Variants in GSR observed in about 807,000 individuals in gnomAD.
GSR encodes the protein glutathione reductase, mitochondrial.
GSR carries 48 observed loss-of-function variants against 56.5 expected under a neutral mutation model. That is an observed-to-expected ratio of 0.85 (90% confidence interval 0.67 to 1.08). GSR has a LOEUF of 1.08. Ranked by LOEUF, GSR falls within the 50% of genes least tolerant of loss-of-function variation. The pLI is 0.00. For synonymous variants in GSR, 264 were observed against 270.8 expected, an observed-to-expected ratio of 0.97 and a Z score of 0.25; for missense variants, 694 against 703.3, an observed-to-expected ratio of 0.99 and a Z score of 0.15.
intron 6 of GSR, among the ~76,000 whole-genome samples, chr8:30,697,971 C>G (rs901234411): frequency 2.0e-5 from 3 of 152,162 alleles, no homozygotes; most frequent in Non-Finnish European, 4.4e-5. Context: ...AGATTACAGG[C>G]ATAAGCCACT....
At chr8:30,707,702 C>T (rs547935275) in intron 4 of GSR, among the ~76,000 whole-genome samples, 1 of 151,930 alleles carries the variant, frequency 6.6e-6, no homozygotes, top group Admixed American at 6.6e-5. Context: ...TGCCTGTAAT[C>T]TCAGCACTTT....
chr8:30,724,336 C>A, intron 1 of GSR, among the ~76,000 whole-genome samples: 1 of 152,148 alleles, frequency 6.6e-6, no homozygotes, highest in East Asian at 1.9e-4. Context: ...TTGCTCAAAC[C>A]CACCCCTGCC....
At chr8:30,699,267 G>T (rs746640379) in intron 6 of GSR, among the ~76,000 whole-genome samples, 3 of 151,848 alleles carry the variant, frequency 2.0e-5, no homozygotes, top group Non-Finnish European at 4.4e-5. Context: ...CTCCTGCCTG[G>T]GCGATGGAAG....
At chr8:30,710,027 C>G (rs1338019407) in intron 2 of GSR, 125 bp from the exon 3 acceptor site, 6 of 679,682 alleles carry the variant, frequency 8.8e-6, no homozygotes, top group African/African-American at 1.8e-5. Context: ...AAATTAAAAA[C>G]AAACCTAGCT....
chr8:30,719,949 C>T (rs181685440), intron 1 of GSR, among the ~76,000 whole-genome samples: 34 of 152,288 alleles, frequency 2.2e-4, no homozygotes, highest in African/African-American at 7.7e-4. Flanking sequence ...TGGTGGCTCA[C>T]GCTGTAATCC....
intron 1 of GSR, among the ~76,000 whole-genome samples, chr8:30,725,504 G>A (rs1037373325): frequency 1.3e-5 from 2 of 151,880 alleles, no homozygotes; most frequent in South Asian, 2.1e-4. Flanking sequence ...AGGTTGCAGT[G>A]AGCCGAGATT....
chr8:30,702,012 G>T (rs1803758718), intron 5 of GSR, among the ~76,000 whole-genome samples: 1 of 151,912 alleles, frequency 6.6e-6, no homozygotes, highest in South Asian at 2.1e-4. Flanking sequence ...CTCCAGCCTG[G>T]ACAACAGAGC....
intron 11 of GSR, among the ~76,000 whole-genome samples, chr8:30,681,248 G>C (rs1332076753): frequency 6.6e-6 from 1 of 152,142 alleles, no homozygotes; most frequent in Non-Finnish European, 1.5e-5. Context: ...TGAAAAGAAA[G>C]GCCAGGCACA....
intron 4 of GSR, among the ~76,000 whole-genome samples, chr8:30,704,073 C>A (rs2128744598): frequency 6.6e-6 from 1 of 151,954 alleles, no homozygotes; most frequent in East Asian, 1.9e-4. Flanking sequence ...ATCTGTAATT[C>A]CAGCACTTTG....
At chr8:30,703,955 C>T (rs565865416) in intron 4 of GSR, among the ~76,000 whole-genome samples, 5 of 152,176 alleles carry the variant, frequency 3.3e-5, no homozygotes, top group South Asian at 2.1e-4. Flanking sequence ...AAGGCACCCC[C>T]GTAAGAAAGA....
chr8:30,727,554 C>G lies in GSR; in HGVS notation c.282G>C (p.Glu94Asp), dbSNP rs1470346529. Residue 94 changes from glutamate to aspartate, a missense_variant, in exon 1 of 13, where the codon GAG becomes GAC. Transcript: ENST00000221130. The stretch of plus-strand genomic sequence containing the variant: ...CGCAAGTGCCACCCAGCTTGTGGCT[C>G]TCCACCACGGCGGCCCTGGCACCCA... ...AELGARAAVV[E>D]SHKLGGTCVN... 6.5e-7 allele frequency: 1 copy of G among 1,536,810 alleles called. No individual in the cohort carries two copies. The highest frequency in any genetic ancestry group is 1.4e-5 in the African/African-American group (1 of 72,416).
chr8:30,701,571 A>C (rs539608203), intron 5 of GSR, among the ~76,000 whole-genome samples: 1 of 151,440 alleles, frequency 6.6e-6, no homozygotes, highest in Non-Finnish European at 1.5e-5. Context: ...GGGCAGATCA[A>C]CTGAGGTCAG....
chr8:30,713,704 A>C (rs1298416552), intron 1 of GSR, among the ~76,000 whole-genome samples: 1 of 152,212 alleles, frequency 6.6e-6, no homozygotes, highest in African/African-American at 2.4e-5. Context: ...AATTTAAATA[A>C]TGAAATATTT....
intron 1 of GSR, among the ~76,000 whole-genome samples, chr8:30,720,974 T>C (rs1232209108): frequency 1.3e-5 from 2 of 152,080 alleles, no homozygotes; most frequent in Non-Finnish European, 2.9e-5. Flanking sequence ...TAACAGCCTG[T>C]AGTCTCAGCC....
In GSR at chr8:30,727,735, G is replaced by A; in HGVS notation, c.101C>T (p.Ala34Val). The A allele has an allele frequency of 1.4e-6, 2 of 1,399,912 alleles. No homozygotes were observed. Among genetic ancestry groups the A allele is most frequent in the Non-Finnish European group, 1.9e-6 (2 of 1,080,148 alleles). 86.7% of individuals were successfully genotyped at this position (1,399,912 alleles called of 1,614,324 possible). ...RGFLLLLPEP[A>V]ALTRALSRAM... ...ACGGGAGAGGGCGCGCGTGAGGGCCGCGGGCTCGGGCAGAAGCAGCAGGAA... is the reference window on the plus strand; with the variant it reads ...ACGGGAGAGGGCGCGCGTGAGGGCCACGGGCTCGGGCAGAAGCAGCAGGAA... The change falls in exon 1 of 13, where the codon GCG (alanine) becomes GTG (valine). Residue 34 changes from alanine (A) to valine (V), a missense_variant. Transcript: ENST00000221130.
intron 1 of GSR, among the ~76,000 whole-genome samples, chr8:30,727,209 G>C (rs560243267): frequency 6.6e-6 from 1 of 152,348 alleles, no homozygotes; most frequent in Admixed American, 6.5e-5. Flanking sequence ...GTTTCACGCG[G>C]TCAAGAACAG....
At position 30,679,508 on chromosome 8, in the gene GSR, G is replaced by A; in HGVS notation, c.*12C>T. ...ATGGGTCCCACTGCCCGCCACACGT[G>A]TCTCCTGGTTCTCAACGAAGTGTGA... On this transcript the variant is annotated 3_prime_UTR_variant, in exon 13 of 13. Coordinates refer to ENST00000221130, the MANE Select transcript of GSR (RefSeq NM_000637.5). 2 of 1,613,230 alleles carry A rather than the reference G, an allele frequency of 1.2e-6. No homozygotes were observed. The highest frequency in any genetic ancestry group is 1.7e-6 in the Non-Finnish European group (2 of 1,179,218).
chr8:30,689,815 A>G (rs865941555), intron 8 of GSR, among the ~76,000 whole-genome samples: 1 of 143,422 alleles, frequency 7.0e-6, no homozygotes, highest in Non-Finnish European at 1.5e-5. Flanking sequence ...ATATAAATAT[A>G]TTTATATATG....
At chr8:30,706,481 C>T (rs1412736730) in intron 4 of GSR, among the ~76,000 whole-genome samples, 5 of 151,818 alleles carry the variant, frequency 3.3e-5, no homozygotes, top group African/African-American at 1.2e-4. Flanking sequence ...CCAGCCTGGG[C>T]GACAGAGCAA....
Sources: gnomAD v4.1 joint callset for allele counts (sites outside exome capture counted in the v4.1 genomes callset) on GRCh38, gnomAD v4.1.1 for gene constraint, MANE v1.5 for transcripts, NCBI Gene and HGNC (gene_info 2026-07-23, HGNC 2026-07-21) for gene names.